The following CFAP61 variants were observed in gnomAD, a reference collection of about 807,000 sequenced individuals.
CFAP61 encodes cilia- and flagella-associated protein 61.
CFAP61 carries 107 observed loss-of-function variants against 135.6 expected under a neutral mutation model. The observed-to-expected ratio is 0.79, with a 90% CI of 0.67 to 0.93. The LOEUF (loss-of-function observed/expected upper bound fraction) is 0.93. CFAP61 is among the 40% of genes least tolerant of loss of function. The pLI is 0.00. For synonymous variants in CFAP61, 575 were observed against 578.5 expected (o/e 0.99, Z 0.09); for missense variants, 1,507 against 1,556.2 (o/e 0.97, Z 0.53).
chr20:20,118,963 T>TGTAA (rs1252397115), intron 8 of CFAP61, among the ~76,000 whole-genome samples: 3 of 152,132 alleles, frequency 2.0e-5, no homozygotes, highest in Non-Finnish European at 4.4e-5. Flanking sequence ...ACTGTAGGTA[T>TGTAA]GTAACATTGT....
At chr20:20,246,705 A>G (rs2146975893) in intron 19 of CFAP61, among the ~76,000 whole-genome samples, 1 of 152,342 alleles carries the variant, frequency 6.6e-6, no homozygotes, top group South Asian at 2.1e-4. Flanking sequence ...GGAAAATACC[A>G]TGTCTTTATC....
chr20:20,084,652 G>A (rs8121704), intron 6 of CFAP61, among the ~76,000 whole-genome samples: 7,132 of 152,262 alleles, frequency 0.047, 557 homozygotes, highest in African/African-American at 0.16. Context: ...CAGGCTGCGA[G>A]GGAGAGTTCT....
rs1435348472 is a variant in CFAP61, at chr20:20,199,765, C to A, written c.1798-3C>A. The A allele has an allele frequency of 8.7e-6, 14 of 1,613,914 alleles. No individual in the cohort carries two copies. The highest frequency in any genetic ancestry group is 1.1e-5 in the Non-Finnish European group (13 of 1,179,968). The stretch of plus-strand genomic sequence containing the variant: ...CCCTAAAATATAGATTGCTGTCTTT[C>A]AGTTCCAGAACCCCTACGCCCACTC... On this transcript the variant is annotated splice_polypyrimidine_tract_variant and splice_region_variant and intron_variant, in intron 16 of 26. Transcript: ENST00000245957.
chr20:20,068,818 C>T (rs943684615), intron 2 of CFAP61, among the ~76,000 whole-genome samples: 2 of 152,168 alleles, frequency 1.3e-5, no homozygotes, highest in South Asian at 2.1e-4. Flanking sequence ...CATCTTGGCT[C>T]GCTGCAACCT....
intron 21 of CFAP61, among the ~76,000 whole-genome samples, chr20:20,274,801 T>C (rs1260522472): frequency 2.6e-5 from 4 of 152,244 alleles, no homozygotes; most frequent in African/African-American, 9.6e-5. Flanking sequence ...ACATGTTTTA[T>C]TTATTTAATA....
At chr20:20,292,032 G>A (rs901147003) in intron 24 of CFAP61, among the ~76,000 whole-genome samples, 1 of 152,222 alleles carries the variant, frequency 6.6e-6, no homozygotes, top group Non-Finnish European at 1.5e-5. Flanking sequence ...CCAATGAGAT[G>A]TAAGCAGAAG....
At chr20:20,268,696 T>C (rs2147024287) in intron 21 of CFAP61, among the ~76,000 whole-genome samples, 1 of 152,234 alleles carries the variant, frequency 6.6e-6, no homozygotes, top group East Asian at 1.9e-4. Context: ...AAACCTGGAG[T>C]GTTCTGCTGG....
At chr20:20,105,024 G>A (rs2048278872) in intron 8 of CFAP61, among the ~76,000 whole-genome samples, 1 of 152,128 alleles carries the variant, frequency 6.6e-6, no homozygotes, top group African/African-American at 2.4e-5. Context: ...TTTTGGGGGT[G>A]GGAGGAGGCA....
At chr20:20,124,409 T>A (rs2049915772) in intron 8 of CFAP61, among the ~76,000 whole-genome samples, 1 of 151,836 alleles carries the variant, frequency 6.6e-6, no homozygotes. Context: ...TTGAGGTATG[T>A]TCCTTGTATG....
At chr20:20,304,051 A>G (rs1038788928) in intron 25 of CFAP61, among the ~76,000 whole-genome samples, 2 of 152,094 alleles carry the variant, frequency 1.3e-5, no homozygotes, top group Non-Finnish European at 2.9e-5. Context: ...GCTGCCTGCA[A>G]GGGGCTCACT....
At chr20:20,310,765 C>A (rs1288122813) in intron 25 of CFAP61, among the ~76,000 whole-genome samples, 1 of 152,184 alleles carries the variant, frequency 6.6e-6, no homozygotes, top group Non-Finnish European at 1.5e-5. Flanking sequence ...TCCACACCAG[C>A]AAAATGGGTA....
rs184384228 is a variant in CFAP61 at position 20,300,573 on chromosome 20, T to C, written c.3422+2187T>C. On this transcript the variant is annotated intron_variant, in intron 25 of 26. Coordinates refer to ENST00000245957, the MANE Select transcript of CFAP61 (RefSeq NM_015585.4). The stretch of plus-strand genomic sequence containing the variant: ...ATAGATGAATATTTGTGTATAGCTA[T>C]ACAATGTGCTTATGGGGTTCTTTTG... Among the ~76,000 whole-genome samples, 69 of 152,258 alleles carry C rather than the reference T, an allele frequency of 4.5e-4. No homozygotes were observed. The East Asian group carries it at 0.013, about 28-fold the overall frequency.
At chr20:20,269,302 A>G (rs1033340835) in intron 21 of CFAP61, among the ~76,000 whole-genome samples, 10 of 150,368 alleles carry the variant, frequency 6.7e-5, no homozygotes, top group African/African-American at 2.2e-4. Context: ...GTAAATATGC[A>G]TAGACATAAT....
chr20:20,083,940 A>G (rs997023490), intron 6 of CFAP61, among the ~76,000 whole-genome samples: 2 of 152,250 alleles, frequency 1.3e-5, no homozygotes, highest in African/African-American at 2.4e-5. Flanking sequence ...TGGAAGTTCT[A>G]CAGTGGAATA....
chr20:20,119,504 T>C (rs1234464723), intron 8 of CFAP61, among the ~76,000 whole-genome samples: 2 of 152,206 alleles, frequency 1.3e-5, no homozygotes, highest in Non-Finnish European at 2.9e-5. Flanking sequence ...TTTCTCTCTT[T>C]TTCTTAGTCT....
intron 25 of CFAP61, among the ~76,000 whole-genome samples, chr20:20,335,879 C>T (rs552561493): frequency 2.6e-5 from 4 of 152,210 alleles, no homozygotes; most frequent in Non-Finnish European, 4.4e-5. Flanking sequence ...TTTGGTTGCA[C>T]AGTTGTTCAG....
chr20:20,218,926 G>C (rs1234383911), intron 17 of CFAP61, among the ~76,000 whole-genome samples: 1 of 152,208 alleles, frequency 6.6e-6, no homozygotes, highest in Non-Finnish European at 1.5e-5. Context: ...GACTGTCCTT[G>C]TTGCTAGTGT....
chr20:20,088,844 A>G (rs1026611620), intron 6 of CFAP61, among the ~76,000 whole-genome samples: 1 of 152,074 alleles, frequency 6.6e-6, no homozygotes, highest in African/African-American at 2.4e-5. Context: ...TTCCATCAAG[A>G]TACTTACTGT....
Position 20,075,187 on chromosome 20 carries a change from A to G in CFAP61, c.372-2A>G. On this transcript the variant is annotated splice_acceptor_variant, in intron 4 of 26. Transcript: ENST00000245957. LOFTEE classifies it high-confidence loss of function. ...CTGCCCCACCCTCTCTTTCCTCACCAGAACCGTGTATAAGGCAGTGCCAGA... is the reference window on the plus strand; with the variant it reads ...CTGCCCCACCCTCTCTTTCCTCACCGGAACCGTGTATAAGGCAGTGCCAGA... 5 of 1,614,030 alleles carry G rather than the reference A, an allele frequency of 3.1e-6. No homozygotes were observed. Among genetic ancestry groups the G allele is most frequent in the Non-Finnish European group, 4.2e-6 (5 of 1,179,926 alleles).
Sources: allele counts gnomAD v4.1 joint callset (sites outside exome capture counted in the v4.1 genomes callset), GRCh38; gene constraint gnomAD v4.1.1; transcripts MANE v1.5; gene names NCBI Gene and HGNC (gene_info 2026-07-23, HGNC 2026-07-21).